Variants in SPATA13 observed in about 807,000 individuals in gnomAD.
SPATA13 encodes the protein spermatogenesis associated 13, also known as spermatogenesis-associated protein 13.
Under a neutral mutation model 104.0 loss-of-function variants are expected in SPATA13, and 50 were observed. The ratio of observed to expected loss-of-function variants is 0.48; its 90% CI spans 0.38 to 0.61. The LOEUF is 0.61. Ranked by LOEUF, SPATA13 falls within the 20% of genes least tolerant of loss-of-function variation. The probability of loss-of-function intolerance (pLI) is 0.00; values close to 1 mark genes in which losing one functional copy is unlikely to be tolerated. For synonymous variants in SPATA13, 606 were observed against 667.5 expected (o/e 0.91, Z 1.42); for missense variants, 1,524 against 1,690.6 (o/e 0.90, Z 1.73).
intron 3 of SPATA13, among the ~76,000 whole-genome samples, chr13:24,054,755 G>A (rs183795717): frequency 1.3e-5 from 2 of 152,316 alleles, no homozygotes; most frequent in African/African-American, 4.8e-5. Flanking sequence ...AAAGGTTAAG[G>A]AGGATATGCA....
intron 1 of SPATA13, among the ~76,000 whole-genome samples, chr13:24,203,171 C>A (rs765815850): frequency 1.3e-5 from 2 of 151,978 alleles, no homozygotes; most frequent in Admixed American, 1.3e-4. Context: ...TGTTGTTCCC[C>A]TCCATGTGAA....
rs80023477 is a variant in SPATA13, at chr13:24,001,123, C to A, written c.-146-16544C>A. On this transcript the variant is annotated intron_variant, in intron 2 of 14. Transcript: ENST00000424834. The stretch of plus-strand genomic sequence containing the variant: ...TTCCAGGCTGGCCGAGTGGCCTCTT[C>A]TACTCTCACCCCCTACTCTCTCCAG... 2.2e-3 allele frequency among the ~76,000 whole-genome samples: 332 copies of A among 152,278 alleles called. 2 individuals are homozygous for A. The highest frequency in any genetic ancestry group is 7.7e-3 in the African/African-American group (319 of 41,530).
chr13:24,274,229 A>G (rs919182298), intron 4 of SPATA13, among the ~76,000 whole-genome samples: 1 of 152,216 alleles, frequency 6.6e-6, no homozygotes, highest in Non-Finnish European at 1.5e-5. Flanking sequence ...TATGTCCTAG[A>G]ACAACCTGAG....
intron 1 of SPATA13, among the ~76,000 whole-genome samples, chr13:24,186,250 CA>C (rs1869143465): frequency 6.6e-6 from 1 of 152,168 alleles, no homozygotes; most frequent in Non-Finnish European, 1.5e-5. Flanking sequence ...CACCTGCTTA[CA>C]TGATGTAGGG....
At chr13:23,996,415 A>AT (rs1566066037) in intron 2 of SPATA13, among the ~76,000 whole-genome samples, 3 of 151,912 alleles carry the variant, frequency 2.0e-5, no homozygotes, top group Admixed American at 1.3e-4. Context: ...TGGGCAAAAA[A>AT]CGATCTGCAA....
intron 11 of SPATA13, among the ~76,000 whole-genome samples, chr13:24,298,275 G>A (rs992010675): frequency 6.6e-6 from 1 of 152,186 alleles, no homozygotes; most frequent in African/African-American, 2.4e-5. Flanking sequence ...TACCTTCAGT[G>A]TTCTTCACTG....
intron 3 of SPATA13, among the ~76,000 whole-genome samples, chr13:24,110,546 T>G (rs1880605717): frequency 6.6e-6 from 1 of 152,220 alleles, no homozygotes; most frequent in Non-Finnish European, 1.5e-5. Context: ...TAATCTTTAC[T>G]GCCTCCTAAG....
At chr13:24,123,852 T>G in intron 3 of SPATA13, 2 of 725,710 alleles carry the variant, frequency 2.8e-6, no homozygotes, top group Admixed American at 4.4e-5. Context: ...TTGGGGAATA[T>G]ACAGGAATGT....
chr13:24,052,485 A>G (rs1273578971), intron 3 of SPATA13, among the ~76,000 whole-genome samples: 1 of 119,844 alleles, frequency 8.3e-6, no homozygotes, highest in Non-Finnish European at 1.8e-5. Flanking sequence ...ATAAAAAGAA[A>G]TATATGTTTT....
chr13:24,008,425 C>T (rs2137682447), intron 2 of SPATA13, among the ~76,000 whole-genome samples: 1 of 152,294 alleles, frequency 6.6e-6, no homozygotes, highest in Non-Finnish European at 1.5e-5. Context: ...GCTCCATAGC[C>T]GGCAGCTCTT....
In SPATA13 at chr13:24,297,445, A is replaced by C; in HGVS notation, c.3293A>C (p.Gln1098Pro). The C allele has an allele frequency of 6.2e-7, 1 of 1,614,210 alleles. No individual in the cohort carries two copies. The highest frequency in any genetic ancestry group is 8.5e-7 in the Non-Finnish European group (1 of 1,180,028). ...ATCACTAAGCAAGGCAAAAGCCAGC[A>C]GCGGACGTTCTTCCTGTTTGACCAC... Reference protein sequence around the residue: ...TKITKQGKSQQRTFFLFDHQL... With the variant: ...TKITKQGKSQPRTFFLFDHQL... The change falls in exon 11 of 13, where the codon CAG becomes CCG. Residue 1098 changes from glutamine (Q) to proline (P), a missense_variant. Physicochemically the swap from Gln to Pro is moderately conservative, Grantham distance 76. Coordinates refer to ENST00000382108, the MANE Select transcript of SPATA13 (RefSeq NM_001166271.3).
At chr13:24,128,735 TA>T (rs10555970) in intron 3 of SPATA13, among the ~76,000 whole-genome samples, 44,984 of 148,108 alleles carry the variant, frequency 0.3, 7,480 homozygotes, top group Non-Finnish European at 0.39. Context: ...CTACCTTATT[TA>T]AAAAAAAAAA....
chr13:23,995,490 G>C (rs1031077085), intron 2 of SPATA13, among the ~76,000 whole-genome samples: 1 of 152,208 alleles, frequency 6.6e-6, no homozygotes, highest in Non-Finnish European at 1.5e-5. Context: ...AATAACAGAG[G>C]TCAGGTCTGG....
At chr13:24,225,364 C>T (rs533602212) in intron 2 of SPATA13, among the ~76,000 whole-genome samples, 11 of 152,332 alleles carry the variant, frequency 7.2e-5, no homozygotes, top group Admixed American at 3.9e-4. Context: ...AGCTGGCTTC[C>T]GCTGCAGGCA....
intron 7 of SPATA13, 127 bp downstream of exon 7, chr13:24,287,077 C>T: frequency 2.6e-6 from 2 of 772,998 alleles, no homozygotes; most frequent in South Asian, 3.7e-5. Flanking sequence ...ATTTCTCCGC[C>T]TCTGCTGTCT....
upstream of SPATA13, among the ~76,000 whole-genome samples, chr13:24,157,536 G>C (rs576124432): frequency 2.2e-4 from 34 of 152,236 alleles, no homozygotes; most frequent in African/African-American, 8.2e-4. Flanking sequence ...TCCTGACCTC[G>C]TGATCTGCCC....
chr13:24,302,112 C>T (rs541161685), intron 12 of SPATA13, among the ~76,000 whole-genome samples: 4 of 152,240 alleles, frequency 2.6e-5, no homozygotes, highest in East Asian at 1.9e-4. Context: ...TGCCACTTCC[C>T]GCTGCACGTC....
chr13:23,981,000 G>T (rs1442035710), intron 1 of SPATA13, among the ~76,000 whole-genome samples: 1 of 152,102 alleles, frequency 6.6e-6, no homozygotes, highest in Admixed American at 6.5e-5. Context: ...ACCAGATTTG[G>T]ATCCACGAAA....
chr13:23,998,456 C>T (rs1875797935), intron 2 of SPATA13, among the ~76,000 whole-genome samples: 1 of 152,170 alleles, frequency 6.6e-6, no homozygotes, highest in East Asian at 1.9e-4. Flanking sequence ...GTTTTATAAA[C>T]ATGCTCTGGA....
Sources: allele counts gnomAD v4.1 joint callset (sites outside exome capture counted in the v4.1 genomes callset), GRCh38; gene constraint gnomAD v4.1.1; transcripts MANE v1.5; gene names NCBI Gene and HGNC (gene_info 2026-07-23, HGNC 2026-07-21).